WDPCP: variants seen among roughly 807,000 people sequenced by gnomAD.
WDPCP encodes the protein WD repeat containing planar cell polarity effector.
A neutral mutation model predicts 93.1 loss-of-function variants in WDPCP; 71 were observed. The observed-to-expected ratio is 0.76, with a 90% confidence interval of 0.63 to 0.93. The LOEUF (loss-of-function observed/expected upper bound fraction) is 0.93. WDPCP is among the 40% of genes least tolerant of loss of function. The pLI, the probability that WDPCP is intolerant of heterozygous loss-of-function variation, is 0.00. For synonymous variants in WDPCP, 315 were observed against 315.0 expected (o/e 1.00, Z 0.00); for missense variants, 844 against 887.4 (o/e 0.95, Z 0.62).
chr2:63,485,422 A>G (rs1377631503), intron 4 of WDPCP, among the ~76,000 whole-genome samples: 1 of 151,890 alleles, frequency 6.6e-6, no homozygotes, highest in Non-Finnish European at 1.5e-5. Context: ...ATAAAATGAA[A>G]AGAAATAAAA....
chr2:63,374,828 CCTAT>C (rs1457034434), intron 12 of WDPCP, among the ~76,000 whole-genome samples: 1 of 105,064 alleles, frequency 9.5e-6, no homozygotes, highest in Non-Finnish European at 2.1e-5. Flanking sequence ...CACATATTTA[CCTAT>C]CTCTCTGTTT....
At chr2:63,378,649 T>C (rs1365922154) in intron 11 of WDPCP, 140 bp from the exon 12 acceptor site, 2 of 1,181,442 alleles carry the variant, frequency 1.7e-6, no homozygotes, top group Non-Finnish European at 2.4e-6. Context: ...AATTAAAATA[T>C]GACAGCTGGT....
At chr2:63,180,156 A>G (rs1674128196) in intron 14 of WDPCP, among the ~76,000 whole-genome samples, 1 of 152,186 alleles carries the variant, frequency 6.6e-6, no homozygotes, top group South Asian at 2.1e-4. Flanking sequence ...GGAGCCTCAG[A>G]ACAGTGGGAG....
intron 2 of WDPCP, among the ~76,000 whole-genome samples, chr2:63,489,849 T>A (rs1700771295): frequency 1.3e-5 from 2 of 151,918 alleles, no homozygotes; most frequent in Non-Finnish European, 2.9e-5. Context: ...TCAAGGTATT[T>A]CCCTATGAAA....
At chr2:63,184,211 TC>T (rs1176518090) in intron 14 of WDPCP, among the ~76,000 whole-genome samples, 2 of 152,168 alleles carry the variant, frequency 1.3e-5, no homozygotes, top group Admixed American at 6.5e-5. Context: ...CATCTTTTTT[TC>T]CCTCTTTCTG....
rs375126803 is a variant in WDPCP at position 63,544,679 on chromosome 2, C to T, written c.75+43518G>A. On this transcript the variant is annotated intron_variant, in intron 1 of 17. Transcript: ENST00000272321. ...ACAACAGAGTAGTAGGCAGAGTAGG[C>T]TCTTTTGCCTGTTCTTCACTCAGAA... Among the ~76,000 whole-genome samples the T allele has an allele frequency of 1.6e-4, 24 of 152,214 alleles. No individual in the cohort carries two copies. In the South Asian group the frequency reaches 2.3e-3, roughly 14 times the overall value.
At chr2:63,262,771 G>A (rs939678113) in intron 13 of WDPCP, among the ~76,000 whole-genome samples, 2 of 152,002 alleles carry the variant, frequency 1.3e-5, no homozygotes, top group Non-Finnish European at 1.5e-5. Flanking sequence ...TGGGGTCGTC[G>A]ATTTGAAGAG....
intron 2 of WDPCP, among the ~76,000 whole-genome samples, chr2:63,805,956 C>A (rs1365441647): frequency 6.6e-6 from 1 of 151,996 alleles, no homozygotes; most frequent in Admixed American, 6.6e-5. Flanking sequence ...CCCATCTCTA[C>A]AAAAATTACA....
chr2:63,233,412 C>A, intron 14 of WDPCP: 1 of 217,524 alleles, frequency 4.6e-6, no homozygotes, highest in South Asian at 8.1e-5. Context: ...GGGACCAACT[C>A]AAAATTAAGT....
intron 2 of WDPCP, among the ~76,000 whole-genome samples, chr2:63,694,048 C>T (rs991001311): frequency 1.3e-5 from 2 of 152,168 alleles, no homozygotes; most frequent in Admixed American, 1.3e-4. Context: ...CTTCTCTGCA[C>T]ATATTAAACC....
At chr2:63,813,675 G>A (rs564102844) in exon 2 of WDPCP, 2 of 152,308 alleles carry the variant, frequency 1.3e-5, no homozygotes, top group African/African-American at 2.4e-5. Flanking sequence ...TGAGGGCAGG[G>A]CACTTTGTTT....
At chr2:63,210,842 G>A (rs544244036) in intron 14 of WDPCP, among the ~76,000 whole-genome samples, 14 of 152,312 alleles carry the variant, frequency 9.2e-5, no homozygotes, top group East Asian at 5.8e-4. Flanking sequence ...CCATGCCCAC[G>A]GAGCCTTGCT....
rs540659527 is a variant in WDPCP at position 63,722,657 on chromosome 2, TG to T, written n.309-71820del. Among the ~76,000 whole-genome samples the T allele has an allele frequency of 7.8e-4, 57 of 72,982 alleles. 2 individuals carry two copies. Among genetic ancestry groups the T allele is most frequent in the African/African-American group, 1.8e-3 (33 of 18,744 alleles). 47.9% of individuals were successfully genotyped at this position (72,982 alleles called of 152,430 possible). A position where few individuals can be genotyped will look rare whatever the true frequency, so the allele number is the denominator to read the frequency against. ...CCAGCCGCCCCGTCCGGGAGGGAGGTGGGGGGGGGTCAGCCCCCCGCCCGGC... is the reference window on the plus strand; with the variant it reads ...CCAGCCGCCCCGTCCGGGAGGGAGGTGGGGGGGGTCAGCCCCCCGCCCGGC... On this transcript the variant is annotated intron_variant and non_coding_transcript_variant, in intron 2 of 4. Coordinates refer to the WDPCP transcript ENST00000467687.
the WDPCP span, among the ~76,000 whole-genome samples, chr2:63,837,596 T>C: frequency 6.6e-6 from 1 of 152,372 alleles, no homozygotes; most frequent in Non-Finnish European, 1.5e-5. Context: ...ATTGATGATC[T>C]GTATACTTAT....
chr2:63,822,158 T>C (rs1671035303), intron 1 of WDPCP, among the ~76,000 whole-genome samples: 1 of 152,292 alleles, frequency 6.6e-6, no homozygotes, highest in East Asian at 1.9e-4. Flanking sequence ...AAAATTATTA[T>C]GTAAAATGAC....
At chr2:63,494,560 A>G (rs1231024861) in intron 1 of WDPCP, among the ~76,000 whole-genome samples, 4 of 152,170 alleles carry the variant, frequency 2.6e-5, no homozygotes. Flanking sequence ...TTGCAACCAC[A>G]GTACTCTACC....
In WDPCP at chr2:63,710,966, T is replaced by C. The variant is rs537885981; in HGVS notation, n.309-60128A>G. ...CAGGGAAGCTGCAACATCAAGCTTC[T>C]ATTTTTGTCAGAGTGGCAACAGGGA... On this transcript the variant is annotated intron_variant and non_coding_transcript_variant, in intron 2 of 4. Transcript: ENST00000467687. 7.7e-4 allele frequency among the ~76,000 whole-genome samples: 118 copies of C among 152,312 alleles called. No homozygotes were observed. The Middle Eastern group carries it at 0.01, about 13-fold the overall frequency.
intron 17 of WDPCP, among the ~76,000 whole-genome samples, chr2:63,129,328 T>C (rs1670138498): frequency 6.6e-6 from 1 of 152,228 alleles, no homozygotes. Flanking sequence ...AATGGTTTTA[T>C]GTTTAATTTT....
chr2:63,837,872 G>A, the WDPCP span, among the ~76,000 whole-genome samples: 1 of 152,232 alleles, frequency 6.6e-6, no homozygotes, highest in Non-Finnish European at 1.5e-5. Flanking sequence ...AGGAGTCTGA[G>A]GCAGGAGGAT....
Sources: allele counts gnomAD v4.1 joint callset (sites outside exome capture counted in the v4.1 genomes callset), GRCh38; gene constraint gnomAD v4.1.1; transcripts MANE v1.5; gene names NCBI Gene and HGNC (gene_info 2026-07-23, HGNC 2026-07-21).